POPDC1: variants seen among roughly 807,000 people sequenced by gnomAD.
POPDC1 encodes the protein popeye domain cAMP effector 1, also known as popeye domain-containing protein 1.
At chr6:105,124,106 G>A in the POPDC1 span, among the ~76,000 whole-genome samples, 1 of 152,072 alleles carries the variant, frequency 6.6e-6, no homozygotes, top group African/African-American at 2.4e-5. Flanking sequence ...TTTTAGGCCA[G>A]GCGTGGTGGC....
chr6:105,122,711 G>A, the POPDC1 span, among the ~76,000 whole-genome samples: 1 of 152,326 alleles, frequency 6.6e-6, no homozygotes, highest in South Asian at 2.1e-4. Flanking sequence ...CAGCAAAGAA[G>A]GAGAGAAAGA....
chr6:105,117,029 G>A, the POPDC1 span, among the ~76,000 whole-genome samples: 4 of 152,252 alleles, frequency 2.6e-5, no homozygotes, highest in Admixed American at 1.3e-4. Flanking sequence ...GCTTCTACAC[G>A]TATAAAATTA....
At chr6:105,133,588 C>T in the POPDC1 span, 4 of 1,560,888 alleles carry the variant, frequency 2.6e-6, no homozygotes, top group Non-Finnish European at 3.5e-6. Context: ...TTTGAAAATT[C>T]CTGTAAAAAC....
the POPDC1 span, among the ~76,000 whole-genome samples, chr6:105,122,366 C>A: frequency 1.3e-5 from 2 of 152,170 alleles, no homozygotes; most frequent in African/African-American, 4.8e-5. Context: ...TGGAATCTTT[C>A]TAATTACCGG....
the POPDC1 span, among the ~76,000 whole-genome samples, chr6:105,136,044 A>AG: frequency 1.3e-5 from 2 of 152,228 alleles, no homozygotes; most frequent in Non-Finnish European, 2.9e-5. Context: ...AGGTGATTGT[A>AG]GGGCTAAATA....
chr6:105,107,255 G>A, the POPDC1 span, among the ~76,000 whole-genome samples: 9 of 152,144 alleles, frequency 5.9e-5, no homozygotes, highest in African/African-American at 1.9e-4. Flanking sequence ...CATAATGAGA[G>A]GAGGCCTTTT....
chr6:105,127,372 C>G, the POPDC1 span, among the ~76,000 whole-genome samples: 1 of 152,176 alleles, frequency 6.6e-6, no homozygotes, highest in African/African-American at 2.4e-5. Flanking sequence ...TCTACCTCCT[C>G]TACTCCAAAG....
chr6:105,117,201 A>C, the POPDC1 span, among the ~76,000 whole-genome samples: 1 of 152,204 alleles, frequency 6.6e-6, no homozygotes, highest in Non-Finnish European at 1.5e-5. Context: ...TATGACTTAC[A>C]TGAAATATTT....
At chr6:105,097,268 T>C in the POPDC1 span, 5 of 152,292 alleles carry the variant, frequency 3.3e-5, no homozygotes, top group African/African-American at 9.6e-5. Flanking sequence ...AGTTGAGAAT[T>C]ACTACAAGAG....
chr6:105,133,039 A>G, the POPDC1 span, among the ~76,000 whole-genome samples: 1 of 152,226 alleles, frequency 6.6e-6, no homozygotes, highest in Non-Finnish European at 1.5e-5. Flanking sequence ...TACAGTTGAC[A>G]AGAAATAGAA....
the POPDC1 span, among the ~76,000 whole-genome samples, chr6:105,111,512 T>A: frequency 7.9e-5 from 12 of 152,224 alleles, no homozygotes; most frequent in Non-Finnish European, 1.8e-4. Context: ...TCCCTTCTTC[T>A]CTTCCTATCT....
the POPDC1 span, among the ~76,000 whole-genome samples, chr6:105,107,434 A>C: frequency 7.9e-5 from 12 of 152,232 alleles, no homozygotes; most frequent in Non-Finnish European, 1.6e-4. Flanking sequence ...GTAAACAGAC[A>C]TATTTGTTTT....
the POPDC1 span, among the ~76,000 whole-genome samples, chr6:105,128,791 A>C: frequency 6.6e-6 from 1 of 152,342 alleles, no homozygotes; most frequent in South Asian, 2.1e-4. Flanking sequence ...TAGGAAAGTC[A>C]GTAGATATAT....
the POPDC1 span, among the ~76,000 whole-genome samples, chr6:105,111,137 A>G: frequency 6.6e-6 from 1 of 152,262 alleles, no homozygotes; most frequent in Admixed American, 6.5e-5. Context: ...AGCTTTTTCA[A>G]AGATGAGTTC....
the POPDC1 span, chr6:105,125,305 A>C: frequency 6.9e-7 from 1 of 1,455,778 alleles, no homozygotes; most frequent in Non-Finnish European, 9.5e-7. Context: ...ATTCATTGGC[A>C]ACATTTCCTC....
At chr6:105,101,300 A>T in the POPDC1 span, 2 of 1,356,734 alleles carry the variant, frequency 1.5e-6, no homozygotes, top group Non-Finnish European at 1.9e-6. Flanking sequence ...TTCCAACTGG[A>T]AAATAAAACT....
the POPDC1 span, among the ~76,000 whole-genome samples, chr6:105,128,643 T>C: frequency 3.3e-5 from 5 of 152,230 alleles, no homozygotes; most frequent in African/African-American, 1.2e-4. Flanking sequence ...GCCTATTATA[T>C]ATCATCTGCA....
the POPDC1 span, among the ~76,000 whole-genome samples, chr6:105,104,912 C>T: frequency 2.0e-5 from 3 of 152,172 alleles, no homozygotes; most frequent in African/African-American, 4.8e-5. Context: ...CTCAGAAACT[C>T]AAAGCACTTT....
chr6:105,136,027 T>A, the POPDC1 span, among the ~76,000 whole-genome samples: 4 of 152,328 alleles, frequency 2.6e-5, no homozygotes, highest in East Asian at 7.7e-4. Flanking sequence ...TTTATCGTTT[T>A]TCAAATAGGT....
Sources: gnomAD v4.1 joint callset for allele counts (sites outside exome capture counted in the v4.1 genomes callset) on GRCh38, gnomAD v4.1.1 for gene constraint, MANE v1.5 for transcripts, NCBI Gene and HGNC (gene_info 2026-07-23, HGNC 2026-07-21) for gene names.